FMN1: variants seen among roughly 807,000 people sequenced by gnomAD.
FMN1 encodes formin-1.
FMN1 carries 110 observed loss-of-function variants against 132.4 expected under a neutral mutation model. The observed-to-expected ratio is 0.83, with a 90% confidence interval of 0.71 to 0.97. FMN1 has a LOEUF of 0.97. Ranked by LOEUF, FMN1 falls within the 50% of genes least tolerant of loss-of-function variation. FMN1 has a pLI of 0.00. For synonymous variants in FMN1, 722 were observed against 651.7 expected (o/e 1.11, Z -1.64); for missense variants, 1,792 against 1,705.3 (o/e 1.05, Z -0.90).
intron 15 of FMN1, among the ~76,000 whole-genome samples, chr15:32,889,465 C>G (rs1254962431): frequency 1.3e-5 from 2 of 152,188 alleles, no homozygotes; most frequent in Non-Finnish European, 2.9e-5. Context: ...AACTGCTTTA[C>G]AAGGCACTTT....
intron 17 of FMN1, among the ~76,000 whole-genome samples, chr15:32,853,006 C>T (rs2059044088): frequency 6.6e-6 from 1 of 152,146 alleles, no homozygotes. Context: ...TTTCCTCTGC[C>T]TGGAATGCCC....
At position 32,770,509 on chromosome 15, in the gene FMN1, C is replaced by T. The variant is rs1232588781; in HGVS notation, c.*3801G>A. On this transcript the variant is annotated 3_prime_UTR_variant, in exon 21 of 21. Coordinates refer to ENST00000616417, the MANE Select transcript of FMN1 (RefSeq NM_001277313.2). ...CACTGCGGCCCTTAGAAAAACCGTA[C>T]CAATGACTTATCTTACTGGAGGTGT... 1 of 152,204 alleles carries T rather than the reference C, an allele frequency of 6.6e-6. No individual in the cohort carries two copies. The highest frequency in any genetic ancestry group is 1.5e-5 in the Non-Finnish European group (1 of 68,042). The allele number at this position is 152,204 out of a possible 1,614,324, so 9.4% of individuals were successfully genotyped here.
intron 9 of FMN1, among the ~76,000 whole-genome samples, chr15:32,946,027 C>T (rs984503264): frequency 1.3e-5 from 2 of 152,196 alleles, no homozygotes; most frequent in Non-Finnish European, 2.9e-5. Flanking sequence ...TTGCTTCCAA[C>T]AGGTTCACTG....
intron 6 of FMN1, among the ~76,000 whole-genome samples, chr15:33,031,042 T>G (rs1383218694): frequency 1.3e-5 from 2 of 151,736 alleles, no homozygotes; most frequent in African/African-American, 2.4e-5. Flanking sequence ...GTGTTCTCAT[T>G]GTTCAACTCC....
chr15:33,150,859 G>C (rs1317619467), intron 4 of FMN1: 2 of 989,774 alleles, frequency 2.0e-6, no homozygotes, highest in African/African-American at 1.7e-5. Context: ...AGAAAGGTGG[G>C]AGTTGGGTTC....
chr15:33,153,285 G>A lies in FMN1; in HGVS notation c.1630C>T (p.Pro544Ser). Reference sequence around the variant, plus strand: ...TTAAGAGCAGCTTCCCTCTCACCAGGCAATGCAGGGAGCCGGAGGATCCTG... The same window carrying A: ...TTAAGAGCAGCTTCCCTCTCACCAGACAATGCAGGGAGCCGGAGGATCCTG... Reference protein sequence around the residue: ...HHRILRLPALPGEREAALNDS... With the variant: ...HHRILRLPALSGEREAALNDS... The change falls in exon 4 of 21, where the codon CCT becomes TCT. Residue 544 changes from proline (P) to serine (S), a missense_variant. Coordinates refer to ENST00000616417, the MANE Select transcript of FMN1 (RefSeq NM_001277313.2). The A allele has an allele frequency of 6.5e-7, 1 of 1,536,156 alleles. No individual in the cohort carries two copies. Among genetic ancestry groups the A allele is most frequent in the South Asian group, 1.2e-5 (1 of 84,054 alleles).
intron 16 of FMN1, among the ~76,000 whole-genome samples, chr15:32,880,696 G>A (rs1442158377): frequency 6.6e-6 from 1 of 152,128 alleles, no homozygotes; most frequent in Non-Finnish European, 1.5e-5. Flanking sequence ...TAATAGTTTG[G>A]TGGATATAAG....
At chr15:33,029,218 C>T (rs1290165044) in intron 6 of FMN1, among the ~76,000 whole-genome samples, 3 of 152,052 alleles carry the variant, frequency 2.0e-5, no homozygotes, top group African/African-American at 7.3e-5. Context: ...CATAGAGAAT[C>T]TCAGCTCCAT....
intron 4 of FMN1, among the ~76,000 whole-genome samples, chr15:33,127,257 T>C (rs528553538): frequency 7.2e-5 from 11 of 152,164 alleles, no homozygotes; most frequent in African/African-American, 2.2e-4. Context: ...TAACCACAGA[T>C]CTCCCTCCTT....
intron 6 of FMN1, among the ~76,000 whole-genome samples, chr15:33,038,404 G>T (rs1253867462): frequency 6.6e-6 from 1 of 151,952 alleles, no homozygotes; most frequent in Non-Finnish European, 1.5e-5. Context: ...CCCTTCAAAC[G>T]TTTCAATTTT....
intron 5 of FMN1, among the ~76,000 whole-genome samples, chr15:33,075,508 T>G (rs1218509456): frequency 6.6e-6 from 1 of 152,168 alleles, no homozygotes; most frequent in Non-Finnish European, 1.5e-5. Context: ...CTTTGGGTGT[T>G]GCAGGGCCAG....
intron 9 of FMN1, among the ~76,000 whole-genome samples, chr15:32,948,711 T>G (rs1416279966): frequency 2.0e-5 from 3 of 152,070 alleles, no homozygotes; most frequent in Admixed American, 2.0e-4. Context: ...TACATTCACT[T>G]TTACTTCCTT....
At chr15:33,001,126 T>C (rs2034077582) in intron 7 of FMN1, among the ~76,000 whole-genome samples, 1 of 152,076 alleles carries the variant, frequency 6.6e-6, no homozygotes, top group African/African-American at 2.4e-5. Flanking sequence ...CAACTAAAAA[T>C]ACAAAAATTA....
At chr15:32,879,570 C>T (rs2059714533) in intron 16 of FMN1, among the ~76,000 whole-genome samples, 1 of 152,160 alleles carries the variant, frequency 6.6e-6, no homozygotes, top group Admixed American at 6.5e-5. Flanking sequence ...TTAAGTACTA[C>T]CTCACACCTC....
intron 5 of FMN1, among the ~76,000 whole-genome samples, chr15:33,087,956 G>A (rs2038763594): frequency 6.6e-6 from 1 of 152,102 alleles, no homozygotes; most frequent in Admixed American, 6.5e-5. Context: ...AAGTAACTCA[G>A]GAATGGAAAA....
rs1177421275 is a variant in FMN1, at chr15:33,185,564, A to C, written c.-196-5302T>G. On this transcript the variant is annotated intron_variant, in intron 2 of 20. Coordinates refer to ENST00000616417, the MANE Select transcript of FMN1 (RefSeq NM_001277313.2). The stretch of plus-strand genomic sequence containing the variant: ...TGTAGTAATTTTTTTTTAATAAAGT[A>C]AGAATTTTTTTTTTTTTTTTTTTTT... Among the ~76,000 whole-genome samples the C allele has an allele frequency of 2.3e-5, 3 of 129,162 alleles. No homozygotes were observed. The East Asian group carries it at 6.5e-4, about 28-fold the overall frequency. The allele number at this position is 129,162 out of a possible 152,430, so 84.7% of individuals were successfully genotyped here. A position where few individuals can be genotyped will look rare whatever the true frequency, so the allele number is the denominator to read the frequency against.
intron 17 of FMN1, among the ~76,000 whole-genome samples, chr15:32,827,401 A>C (rs182831878): frequency 1.3e-5 from 2 of 152,358 alleles, no homozygotes; most frequent in African/African-American, 4.8e-5. Flanking sequence ...TCACTTAAAT[A>C]AAACAAAGAA....
At chr15:33,147,228 A>G (rs376719508) in intron 4 of FMN1, among the ~76,000 whole-genome samples, 4 of 151,990 alleles carry the variant, frequency 2.6e-5, no homozygotes, top group East Asian at 3.9e-4. Context: ...ACTCTGCTTT[A>G]TCAGTTTGAT....
intron 17 of FMN1, among the ~76,000 whole-genome samples, chr15:32,825,961 A>C (rs1490599739): frequency 2.1e-4 from 32 of 152,246 alleles, no homozygotes; most frequent in Non-Finnish European, 1.5e-5. Flanking sequence ...AGTGTGCGAG[A>C]TGTTGTTTAG....
Sources: allele counts gnomAD v4.1 joint callset (sites outside exome capture counted in the v4.1 genomes callset), GRCh38; gene constraint gnomAD v4.1.1; transcripts MANE v1.5; gene names NCBI Gene and HGNC (gene_info 2026-07-23, HGNC 2026-07-21).